The following PLBD2 variants were observed in gnomAD, a reference collection of about 807,000 sequenced individuals.
The protein encoded by PLBD2 is putative aminopeptidase PLBD2.
PLBD2 carries 51 observed loss-of-function variants against 68.3 expected under a neutral mutation model. The observed-to-expected ratio is 0.75, with a 90% CI of 0.60 to 0.94. The LOEUF is 0.94. Ranked by LOEUF, PLBD2 falls within the 40% of genes least tolerant of loss-of-function variation. The pLI is 0.00. For synonymous variants in PLBD2, 314 were observed against 339.3 expected, an observed-to-expected ratio of 0.93 and a Z score of 0.82; for missense variants, 729 against 792.2, an observed-to-expected ratio of 0.92 and a Z score of 0.96.
At position 113,368,113 on chromosome 12, in the gene PLBD2, T is replaced by C. The variant is rs946760840; in HGVS notation, c.291-1003T>C. Among the ~76,000 whole-genome samples the C allele has an allele frequency of 5.9e-5, 9 of 151,910 alleles. 1 individual carries two copies. The highest frequency in any genetic ancestry group is 4.2e-4 in the South Asian group (2 of 4,808). ...AAAAAAACAAGAATCTCAGACCCCA[T>C]TGCAGAACTGATCAGAACCTGCCTT... is the stretch of plus-strand genomic sequence containing the variant. On this transcript the variant is annotated intron_variant, in intron 1 of 11. Transcript: ENST00000280800.
intron 1 of PLBD2, 21 bp from the exon 2 acceptor site, chr12:113,369,095 T>A: frequency 6.4e-7 from 1 of 1,554,988 alleles, no homozygotes; most frequent in Non-Finnish European, 8.7e-7. Context: ...GCTGACTGAG[T>A]GTCCCCTCCT....
rs947423120 is a variant in PLBD2 at position 113,367,682 on chromosome 12, C to T, written c.291-1434C>T. On this transcript the variant is annotated intron_variant, in intron 1 of 11. Transcript: ENST00000280800. ...GAAGGATAGTTTGAGCCTGGGAGGC[C>T]GGAGGCTGCAGTGTGCCAAGATCAT... is the stretch of plus-strand genomic sequence containing the variant. Among the ~76,000 whole-genome samples the T allele has an allele frequency of 6.1e-5, 9 of 146,622 alleles. No homozygotes were observed. In the East Asian group the frequency reaches 1.4e-3, roughly 23 times the overall value.
At chr12:113,366,463 A>G (rs957079337) in intron 1 of PLBD2, among the ~76,000 whole-genome samples, 1 of 152,146 alleles carries the variant, frequency 6.6e-6, no homozygotes, top group Non-Finnish European at 1.5e-5. Flanking sequence ...ACCAATTAAA[A>G]CACAAACATA....
In PLBD2 at chr12:113,374,579, G is replaced by C. The variant is rs1167609728; in HGVS notation, c.644+5G>C. On this transcript the variant is annotated splice_donor_5th_base_variant and intron_variant, in intron 4 of 11. Coordinates refer to ENST00000280800, the MANE Select transcript of PLBD2 (RefSeq NM_173542.4). Reference sequence around the variant, plus strand: ...CATCAAACCCTTGGGGTTCCTGTAAGTGCCACCCCCAGAGTGAACAGGGTG... The same window carrying C: ...CATCAAACCCTTGGGGTTCCTGTAACTGCCACCCCCAGAGTGAACAGGGTG... 6.3e-7 allele frequency: 1 copy of C among 1,589,252 alleles called. No homozygotes were observed. Among genetic ancestry groups the C allele is most frequent in the South Asian group, 1.1e-5 (1 of 87,484 alleles).
chr12:113,370,938 C>G (rs1332819422), intron 2 of PLBD2, among the ~76,000 whole-genome samples: 1 of 152,146 alleles, frequency 6.6e-6, no homozygotes, highest in African/African-American at 2.4e-5. Context: ...TGCCTGTAAT[C>G]CCAGGATGTT....
intron 1 of PLBD2, among the ~76,000 whole-genome samples, chr12:113,365,454 C>T (rs777016987): frequency 1.6e-4 from 25 of 151,816 alleles, no homozygotes; most frequent in Non-Finnish European, 2.9e-4. Flanking sequence ...GCTGGGACTA[C>T]AGGCACGCAC....
chr12:113,387,224 G>A, intron 10 of PLBD2, 135 bp downstream of exon 10: 1 of 1,118,238 alleles, frequency 8.9e-7, no homozygotes, highest in Non-Finnish European at 1.2e-6. Flanking sequence ...TCAGATGTTG[G>A]ACACCAGTGC....
chr12:113,360,349 G>A (rs923070082), intron 1 of PLBD2, among the ~76,000 whole-genome samples: 1 of 152,184 alleles, frequency 6.6e-6, no homozygotes, highest in Non-Finnish European at 1.5e-5. Flanking sequence ...CTGCATAGCA[G>A]AATCAAGAGG....
intron 1 of PLBD2, among the ~76,000 whole-genome samples, chr12:113,367,695 G>A (rs539534669): frequency 1.3e-5 from 2 of 149,964 alleles, no homozygotes; most frequent in South Asian, 4.2e-4. Flanking sequence ...AGGCTGCAGT[G>A]TGCCAAGATC....
intron 1 of PLBD2, among the ~76,000 whole-genome samples, chr12:113,362,951 A>T (rs1043753705): frequency 7.1e-6 from 1 of 140,714 alleles, no homozygotes; most frequent in African/African-American, 2.6e-5. Context: ...TACCCAGCTA[A>T]TTTTTTTTTT....
chr12:113,381,245 G>GC (rs1185381791), intron 6 of PLBD2, among the ~76,000 whole-genome samples: 36 of 125,204 alleles, frequency 2.9e-4, no homozygotes, highest in African/African-American at 6.9e-4. Flanking sequence ...CTGTGCCCCC[G>GC]CCCCCCCCAC....
Position 113,389,660 on chromosome 12 carries a change from C to T in PLBD2, c.*1034C>T, listed in dbSNP as rs1957590323. 6.6e-6 allele frequency: 1 copy of T among 152,110 alleles called. No homozygotes were observed. Among genetic ancestry groups the T allele is most frequent in the Admixed American group, 6.6e-5 (1 of 15,236 alleles). The allele number at this position is 152,110 out of a possible 1,614,324, so 9.4% of individuals were successfully genotyped here. On this transcript the variant is annotated 3_prime_UTR_variant, in exon 12 of 12. Coordinates refer to ENST00000280800, the MANE Select transcript of PLBD2 (RefSeq NM_173542.4). ...CTCACCCATCCAACCACCCATCCAACCATTCAGCCATCTCCATCTGTCCAT... is the reference window on the plus strand; with the variant it reads ...CTCACCCATCCAACCACCCATCCAATCATTCAGCCATCTCCATCTGTCCAT...
At position 113,375,020 on chromosome 12, in the gene PLBD2, G is replaced by A; in HGVS notation, c.859+13G>A. ...GAAGGCCCCTGGGGTAGGTGGGTGT[G>A]GGTGTGTCTGGGGGATGAGCAGGTG... On this transcript the variant is annotated intron_variant, in intron 5 of 11. Transcript: ENST00000280800. The A allele has an allele frequency of 6.2e-7, 1 of 1,613,128 alleles. No homozygotes were observed. The highest frequency in any genetic ancestry group is 8.5e-7 in the Non-Finnish European group (1 of 1,179,344).
intron 1 of PLBD2, among the ~76,000 whole-genome samples, chr12:113,362,609 G>A (rs574126782): frequency 1.3e-5 from 2 of 150,888 alleles, no homozygotes; most frequent in Non-Finnish European, 3.0e-5. Flanking sequence ...AAAAAAAAAA[G>A]ATTGAGGAAA....
intron 2 of PLBD2, among the ~76,000 whole-genome samples, chr12:113,371,585 C>T (rs772522230): frequency 1.6e-4 from 25 of 152,214 alleles, no homozygotes; most frequent in Non-Finnish European, 2.8e-4. Context: ...GGTTCAGTCT[C>T]TCAAGGGGCT....
At chr12:113,371,915 T>C (rs1237798492) in intron 2 of PLBD2, among the ~76,000 whole-genome samples, 2 of 152,140 alleles carry the variant, frequency 1.3e-5, no homozygotes, top group Non-Finnish European at 2.9e-5. Context: ...TGGTAATATG[T>C]CTTGTCCCCA....
intron 1 of PLBD2, among the ~76,000 whole-genome samples, chr12:113,366,947 G>A (rs1302105659): frequency 6.6e-6 from 1 of 152,152 alleles, no homozygotes; most frequent in Non-Finnish European, 1.5e-5. Context: ...AGGCTCCTGA[G>A]TAGCTGGGAC....
chr12:113,370,467 C>G (rs908973068), intron 2 of PLBD2, among the ~76,000 whole-genome samples: 1 of 131,374 alleles, frequency 7.6e-6, no homozygotes, highest in Non-Finnish European at 1.6e-5. Context: ...TTTTCTTTTT[C>G]TTTTCTTTTT....
In PLBD2 at chr12:113,390,528, T is replaced by TACCCATCCACCC. The variant is rs1447342985; in HGVS notation, c.*1904_*1915dup. ...ATTTCCATCTGTTTTTCCATCCATCTACCCATCCACCCATTCACTCATCCA... is the reference window on the plus strand; with the variant it reads ...ATTTCCATCTGTTTTTCCATCCATCTACCCATCCACCCACCCATCCACCCATTCACTCATCCA... On this transcript the variant is annotated 3_prime_UTR_variant, in exon 12 of 12. Transcript: ENST00000280800. 1 of 150,272 alleles carries TACCCATCCACCC rather than the reference T, an allele frequency of 6.7e-6. No homozygotes were observed. Among genetic ancestry groups the TACCCATCCACCC allele is most frequent in the African/African-American group, 2.5e-5 (1 of 40,662 alleles). The allele number at this position is 150,272 out of a possible 1,614,324, so 9.3% of individuals were successfully genotyped here.
Sources: gnomAD v4.1 joint callset for allele counts (sites outside exome capture counted in the v4.1 genomes callset) on GRCh38, gnomAD v4.1.1 for gene constraint, MANE v1.5 for transcripts, NCBI Gene and HGNC (gene_info 2026-07-23, HGNC 2026-07-21) for gene names.